The following PTPRQ variants were observed in gnomAD, a reference collection of about 807,000 sequenced individuals.
PTPRQ encodes the protein phosphatidylinositol phosphatase PTPRQ.
In PTPRQ, 199 loss-of-function variants were observed where a neutral mutation model predicts 246.0. The observed-to-expected ratio is 0.81, with a 90% CI of 0.72 to 0.91. The LOEUF (loss-of-function observed/expected upper bound fraction) is 0.91, where lower values mean the gene tolerates loss of function less well. Among genes scored for constraint, PTPRQ ranks in the 40% least tolerant of loss-of-function variants. The pLI, the probability that PTPRQ is intolerant of heterozygous loss-of-function variation, is 0.00. For synonymous variants in PTPRQ, 869 were observed against 853.2 expected (o/e 1.02, Z -0.32); for missense variants, 2,624 against 2,528.4 (o/e 1.04, Z -0.81).
intron 9 of PTPRQ, among the ~76,000 whole-genome samples, chr12:80,490,610 C>A (rs540589984): frequency 6.6e-6 from 1 of 151,938 alleles, no homozygotes; most frequent in Non-Finnish European, 1.5e-5. Flanking sequence ...ATTGTCACAA[C>A]TGAGGTAGCT....
intron 8 of PTPRQ, among the ~76,000 whole-genome samples, chr12:80,476,678 G>A (rs1392333398): frequency 6.6e-6 from 1 of 151,996 alleles, no homozygotes; most frequent in Admixed American, 6.6e-5. Flanking sequence ...AAAGAAAGGG[G>A]GTCATTTTTC....
At chr12:80,598,780 G>T (rs1038109052) in intron 26 of PTPRQ, among the ~76,000 whole-genome samples, 2 of 151,820 alleles carry the variant, frequency 1.3e-5, no homozygotes, top group Admixed American at 1.3e-4. Flanking sequence ...TAAATTGAAG[G>T]TATATAGAGC....
chr12:80,459,769 G>A (rs536633741), intron 5 of PTPRQ, among the ~76,000 whole-genome samples: 1 of 152,276 alleles, frequency 6.6e-6, no homozygotes, highest in South Asian at 2.1e-4. Context: ...TAGCATTTGT[G>A]ATACACCATG....
Position 80,602,971 on chromosome 12 carries a change from A to G in PTPRQ, c.4610-2088A>G, listed in dbSNP as rs146627663. ...CCAGATAGGCCTCTCAGACTTCTGG[A>G]GGTTCTCAAACTCAATGAATATGAA... On this transcript the variant is annotated intron_variant, in intron 26 of 44. Transcript: ENST00000644991. 4.3e-3 allele frequency among the ~76,000 whole-genome samples: 655 copies of G among 151,756 alleles called. 2 individuals carry two copies. In the Middle Eastern group the frequency reaches 0.044, roughly 10 times the overall value.
chr12:80,592,228 A>C (rs1342428011), intron 26 of PTPRQ, among the ~76,000 whole-genome samples: 1 of 152,214 alleles, frequency 6.6e-6, no homozygotes, highest in Non-Finnish European at 1.5e-5. Flanking sequence ...TTGCATTCTC[A>C]AAACTCATAG....
intron 6 of PTPRQ, among the ~76,000 whole-genome samples, chr12:80,463,478 C>A (rs971185367): frequency 6.6e-6 from 1 of 152,160 alleles, no homozygotes; most frequent in Non-Finnish European, 1.5e-5. Flanking sequence ...CCCAATCTAG[C>A]AAGGCAGGCC....
At chr12:80,624,360 T>G (rs1899115390) in intron 33 of PTPRQ, among the ~76,000 whole-genome samples, 1 of 152,146 alleles carries the variant, frequency 6.6e-6, no homozygotes, top group Non-Finnish European at 1.5e-5. Flanking sequence ...ATGATGACAG[T>G]CTTTTAGGTT....
At chr12:80,660,682 G>A (rs1412774288) in intron 39 of PTPRQ, among the ~76,000 whole-genome samples, 1 of 152,090 alleles carries the variant, frequency 6.6e-6, no homozygotes, top group Admixed American at 6.6e-5. Flanking sequence ...AGAGATTAAA[G>A]GCTATCATGC....
chr12:80,546,517 G>T, intron 23 of PTPRQ, 39 bp from the exon 24 acceptor site: 1 of 1,510,456 alleles, frequency 6.6e-7, no homozygotes, highest in South Asian at 1.3e-5. Flanking sequence ...ACAATTTTTT[G>T]ACAGTGCATT....
At chr12:80,636,736 G>C (rs1197666642) in intron 35 of PTPRQ, among the ~76,000 whole-genome samples, 1 of 152,098 alleles carries the variant, frequency 6.6e-6, no homozygotes, top group Non-Finnish European at 1.5e-5. Flanking sequence ...ATACTTAGTA[G>C]CCCGTGAAAA....
intron 26 of PTPRQ, among the ~76,000 whole-genome samples, chr12:80,596,772 A>T (rs551380531): frequency 5.3e-5 from 8 of 152,068 alleles, no homozygotes; most frequent in Non-Finnish European, 8.8e-5. Context: ...TTCTGATTTA[A>T]CTATGAAAAT....
intron 14 of PTPRQ, among the ~76,000 whole-genome samples, chr12:80,504,338 T>A (rs907793738): frequency 6.6e-6 from 1 of 151,810 alleles, no homozygotes; most frequent in Non-Finnish European, 1.5e-5. Context: ...TTCCAGAAGG[T>A]CTATCTTGTT....
intron 17 of PTPRQ, among the ~76,000 whole-genome samples, chr12:80,521,654 T>C (rs1438746985): frequency 6.6e-6 from 1 of 152,178 alleles, no homozygotes; most frequent in Non-Finnish European, 1.5e-5. Flanking sequence ...GTCAGGTTTG[T>C]CAAAGATCAG....
At chr12:80,666,582 T>G (rs1163006) in intron 39 of PTPRQ, among the ~76,000 whole-genome samples, 75,542 of 151,840 alleles carry the variant, frequency 0.5, 21,124 homozygotes, top group African/African-American at 0.77. Flanking sequence ...ATAAAGAAAT[T>G]ATAAATGTTT....
rs531733406 is a variant in PTPRQ, at chr12:80,488,926, C to T, written c.1359+4321C>T. On this transcript the variant is annotated intron_variant, in intron 9 of 44. Transcript: ENST00000644991. Reference sequence around the variant, plus strand: ...CAGGGTTTGAGATCTTTTATTTCAACTTCCACACTTATATATGTATCTGAT... The same window carrying T: ...CAGGGTTTGAGATCTTTTATTTCAATTTCCACACTTATATATGTATCTGAT... Among the ~76,000 whole-genome samples the T allele has an allele frequency of 1.4e-3, 209 of 152,112 alleles. 1 individual carries two copies. The highest frequency in any genetic ancestry group is 4.0e-3 in the African/African-American group (165 of 41,530).
At chr12:80,477,091 C>A (rs767393068) in intron 8 of PTPRQ, among the ~76,000 whole-genome samples, 1 of 152,198 alleles carries the variant, frequency 6.6e-6, no homozygotes, top group Non-Finnish European at 1.5e-5. Context: ...GACTTTACAA[C>A]TAGAACTTGC....
At chr12:80,613,142 A>G (rs1175628515) in intron 28 of PTPRQ, among the ~76,000 whole-genome samples, 1 of 150,412 alleles carries the variant, frequency 6.6e-6, no homozygotes, top group African/African-American at 2.4e-5. Context: ...TAGCATTAAC[A>G]GTATTGTACC....
In PTPRQ at chr12:80,669,365, G is replaced by A. The variant is rs1314627604; in HGVS notation, c.6354G>A (p.Glu2118=). ...TCAGATGCCATCAGTATTGGCCAGA[G>A]GACAACAAGCCAGTTACTGTCTTTG... is the stretch of plus-strand genomic sequence containing the variant. ...GRIRCHQYWP[E]DNKPVTVFGD... is the part of the protein sequence containing the mutation. The change falls in exon 41 of 45, where the codon GAG becomes GAA. Residue 2118 remains glutamate (E), a synonymous_variant. Coordinates refer to ENST00000644991, the MANE Select transcript of PTPRQ (RefSeq NM_001145026.2). The A allele has an allele frequency of 1.9e-6, 3 of 1,549,608 alleles. No individual in the cohort carries two copies. Among genetic ancestry groups the A allele is most frequent in the South Asian group, 1.2e-5 (1 of 83,862 alleles).
At chr12:80,567,811 A>G (rs1486591737) in intron 25 of PTPRQ, among the ~76,000 whole-genome samples, 3 of 152,162 alleles carry the variant, frequency 2.0e-5, no homozygotes, top group Non-Finnish European at 4.4e-5. Flanking sequence ...TTAATTGTTC[A>G]AGAAACTGAT....
Sources: gnomAD v4.1 joint callset for allele counts (sites outside exome capture counted in the v4.1 genomes callset) on GRCh38, gnomAD v4.1.1 for gene constraint, MANE v1.5 for transcripts, NCBI Gene and HGNC (gene_info 2026-07-23, HGNC 2026-07-21) for gene names.